C4orf50: variants seen among roughly 807,000 people sequenced by gnomAD.
The protein encoded by C4orf50 is chromosome 4 open reading frame 50.
C4orf50 carries 80 observed loss-of-function variants against 77.2 expected under a neutral mutation model. That is an observed-to-expected ratio of 1.04 (90% CI 0.87 to 1.25). The LOEUF (loss-of-function observed/expected upper bound fraction) is 1.25. C4orf50 is among the 50% of genes most tolerant of loss of function. The pLI is 0.00. For missense variants in C4orf50, 1,257 were observed against 1,152.9 expected (o/e 1.09, Z -1.31); for synonymous variants, 532 against 465.3 (o/e 1.14, Z -1.84).
At chr4:5,909,487 T>TAA (rs1716701331) in intron 7 of C4orf50, among the ~76,000 whole-genome samples, 1 of 152,256 alleles carries the variant, frequency 6.6e-6, no homozygotes, top group South Asian at 2.1e-4. Flanking sequence ...GATTGTTTCC[T>TAA]TTGCTGTGCA....
intron 7 of C4orf50, among the ~76,000 whole-genome samples, chr4:5,939,711 C>G (rs1560552729): frequency 6.6e-6 from 1 of 152,180 alleles, no homozygotes; most frequent in Non-Finnish European, 1.5e-5. Context: ...GTCTCTCCAT[C>G]CCCATCAATG....
At chr4:5,981,695 T>G (rs991382821) in intron 28 of C4orf50, among the ~76,000 whole-genome samples, 1 of 152,170 alleles carries the variant, frequency 6.6e-6, no homozygotes, top group Non-Finnish European at 1.5e-5. Flanking sequence ...TGAGCCACCA[T>G]GCTCGGCCCG....
intron 7 of C4orf50, chr4:5,899,407 G>C (rs1489620616): frequency 1.3e-5 from 2 of 152,206 alleles, no homozygotes; most frequent in African/African-American, 4.8e-5. Flanking sequence ...ATTGTGCAGT[G>C]ACCAGTCACC....
intron 7 of C4orf50, among the ~76,000 whole-genome samples, chr4:5,943,708 AAC>A (rs1718365652): frequency 6.6e-6 from 1 of 152,352 alleles, no homozygotes; most frequent in Middle Eastern, 3.4e-3. Context: ...TGAAGCCTCT[AAC>A]ACACCCAAGA....
At chr4:5,945,531 T>C (rs954982185) in intron 7 of C4orf50, among the ~76,000 whole-genome samples, 1 of 152,154 alleles carries the variant, frequency 6.6e-6, no homozygotes, top group African/African-American at 2.4e-5. Context: ...ACATGGGATC[T>C]AACAAGCAAA....
chr4:5,960,682 A>G (rs1312851385), intron 33 of C4orf50, among the ~76,000 whole-genome samples: 1 of 152,208 alleles, frequency 6.6e-6, no homozygotes, highest in African/African-American at 2.4e-5. Context: ...ACAGGTGCTG[A>G]TGAAGCCTCC....
chr4:5,975,845 A>C, intron 30 of C4orf50, 54 bp downstream of exon 8: 1 of 1,366,710 alleles, frequency 7.3e-7, no homozygotes, highest in East Asian at 2.3e-5. Context: ...AAAACTACTA[A>C]ACTCTCTTTT....
At position 5,988,671 on chromosome 4, in the gene C4orf50, G is replaced by T. The variant is rs1721026283; in HGVS notation, c.3375C>A (p.Ala1125=). ...CCTCTTTGTCTAGAGCGTGCATCTT[G>T]GCTTTTCCCTGGAGGTGCTCCCTTC... The change falls in exon 28 of 34, where the codon GCC becomes GCA. Residue 1125 remains alanine, a synonymous_variant. Transcript: ENST00000531445. 4 of 1,535,916 alleles carry T rather than the reference G, an allele frequency of 2.6e-6. No homozygotes were observed. In the South Asian group the frequency reaches 3.6e-5, roughly 14 times the overall value.
chr4:5,942,323 C>G (rs1718302489), intron 7 of C4orf50, among the ~76,000 whole-genome samples: 3 of 152,172 alleles, frequency 2.0e-5, no homozygotes, highest in Admixed American at 6.5e-5. Flanking sequence ...GGGGGTCATA[C>G]AGGACCCAAA....
In C4orf50 at chr4:5,992,246, T is replaced by C. The variant is rs946757092; in HGVS notation, c.1221+557A>G. ...AGAGATGATGGAGGGCCTCTCTATT[T>C]ACAACCACACAACCACAGCCGGGCT... On this transcript the variant is annotated intron_variant, in intron 27 of 33. Coordinates refer to ENST00000531445, the Ensembl canonical transcript of C4orf50. This position sits in a 1 kb window ranked among gnomAD's most constrained non-coding sequence, Gnocchi z 5.0. 6.6e-6 allele frequency among the ~76,000 whole-genome samples: 1 copy of C among 152,214 alleles called. No individual in the cohort carries two copies. The highest frequency in any genetic ancestry group is 2.4e-5 in the African/African-American group (1 of 41,454).
At chr4:5,933,592 C>T (rs1487291895) in intron 7 of C4orf50, among the ~76,000 whole-genome samples, 1 of 152,212 alleles carries the variant, frequency 6.6e-6, no homozygotes, top group Non-Finnish European at 1.5e-5. Context: ...TCCCTGACAC[C>T]AGCACTCGGC....
chr4:5,952,901 T>C (rs1718791910), downstream of C4orf50, among the ~76,000 whole-genome samples: 2 of 152,168 alleles, frequency 1.3e-5, no homozygotes, highest in African/African-American at 4.8e-5. This position sits in a 1 kb window ranked among gnomAD's most constrained non-coding sequence, Gnocchi z 4.4. Flanking sequence ...GAATTCCCTA[T>C]CGTAAGTTTT....
chr4:5,944,827 G>A (rs1197998864), intron 7 of C4orf50, among the ~76,000 whole-genome samples: 3 of 152,124 alleles, frequency 2.0e-5, no homozygotes, highest in Non-Finnish European at 4.4e-5. Flanking sequence ...GAGGGGTCTG[G>A]GAAGACTTCC....
intron 7 of C4orf50, among the ~76,000 whole-genome samples, chr4:5,928,646 T>G (rs536799292): frequency 6.6e-6 from 1 of 152,310 alleles, no homozygotes; most frequent in South Asian, 2.1e-4. Context: ...AACATCTCCC[T>G]GGGGCCAGAA....
chr4:5,984,808 T>A (rs1481107353), intron 28 of C4orf50, among the ~76,000 whole-genome samples: 2 of 151,210 alleles, frequency 1.3e-5, no homozygotes, highest in African/African-American at 4.9e-5. Context: ...AAGAATTTTC[T>A]AAGTCTGACA....
chr4:5,982,434 G>A (rs917919380), intron 28 of C4orf50, among the ~76,000 whole-genome samples: 3 of 152,200 alleles, frequency 2.0e-5, no homozygotes, highest in Non-Finnish European at 4.4e-5. Flanking sequence ...ATGGGCGGTG[G>A]TGACGCTGCC....
Position 5,977,204 on chromosome 4 carries a change from G to C in C4orf50, c.3865-1249C>G, listed in dbSNP as rs572854164. ...ATGCCCACTGATCCCCTGGAGGGCG[G>C]AACAGCCTAGCCGAGTCCTATCTGA... On this transcript the variant is annotated intron_variant, in intron 29 of 33. Coordinates refer to ENST00000531445, the Ensembl canonical transcript of C4orf50. Among the ~76,000 whole-genome samples, 27 of 152,294 alleles carry C rather than the reference G, an allele frequency of 1.8e-4. No homozygotes were observed. The East Asian group carries it at 5.2e-3, about 29-fold the overall frequency.
chr4:5,993,044 C>T (rs1435873797), intron 26 of C4orf50, 114 bp from the exon 5 acceptor site: 18 of 396,582 alleles, frequency 4.5e-5, no homozygotes, highest in Non-Finnish European at 6.7e-5. Context: ...CCCCCACCCC[C>T]GACTGTGAGC....
chr4:5,991,383 C>G (rs1346495085), intron 27 of C4orf50, among the ~76,000 whole-genome samples: 1 of 152,220 alleles, frequency 6.6e-6, no homozygotes, highest in Non-Finnish European at 1.5e-5. Context: ...GCAGAAGGCT[C>G]TCATGGATGG....
Sources: allele counts gnomAD v4.1 joint callset (sites outside exome capture counted in the v4.1 genomes callset), GRCh38; gene constraint gnomAD v4.1.1; non-coding constraint Gnocchi (gnomAD v3.1); transcripts MANE v1.5; gene names NCBI Gene and HGNC (gene_info 2026-07-23, HGNC 2026-07-21).